ARHGAP26: variants seen among roughly 807,000 people sequenced by gnomAD.
ARHGAP26 encodes the protein Rho GTPase activating protein 26.
In ARHGAP26, 38 loss-of-function variants were observed where a neutral mutation model predicts 104.8. The observed-to-expected ratio is 0.36, with a 90% CI of 0.28 to 0.48. ARHGAP26 has a LOEUF of 0.48. ARHGAP26 is among the 20% of genes least tolerant of loss of function. ARHGAP26 has a pLI of 0.99. For synonymous variants in ARHGAP26, 341 were observed against 340.0 expected (o/e 1.00, Z -0.03); for missense variants, 704 against 947.9 (o/e 0.74, Z 3.38).
At chr5:142,916,955 G>A (rs921337115) in intron 10 of ARHGAP26, among the ~76,000 whole-genome samples, 2 of 151,972 alleles carry the variant, frequency 1.3e-5, no homozygotes, top group African/African-American at 2.4e-5. Flanking sequence ...TGGTGAGGCC[G>A]TTTACTCAGG....
intron 1 of ARHGAP26, among the ~76,000 whole-genome samples, chr5:142,851,117 A>G (rs1450210387): frequency 6.9e-6 from 1 of 145,478 alleles, no homozygotes; most frequent in Non-Finnish European, 1.5e-5. Context: ...TTTTTTCCTG[A>G]GACAGAGTCT....
At chr5:142,964,906 A>AG (rs1297577598) in intron 11 of ARHGAP26, among the ~76,000 whole-genome samples, 3 of 152,174 alleles carry the variant, frequency 2.0e-5, no homozygotes, top group Admixed American at 1.3e-4. Flanking sequence ...CAATGCGCGG[A>AG]GACCAGTGGT....
Position 143,187,809 on chromosome 5 carries a change from G to A in ARHGAP26, c.1989-19389G>A, listed in dbSNP as rs372572760. ...CAGCCCTACCTGGCATGTCATAAGTGCACTCTATCCATTGGGAGCTGTTAT... is the reference window on the plus strand; with the variant it reads ...CAGCCCTACCTGGCATGTCATAAGTACACTCTATCCATTGGGAGCTGTTAT... On this transcript the variant is annotated intron_variant, in intron 20 of 22. Transcript: ENST00000645722. Among the ~76,000 whole-genome samples, 20 of 152,214 alleles carry A rather than the reference G, an allele frequency of 1.3e-4. No homozygotes were observed. The South Asian group carries it at 3.9e-3, about 30-fold the overall frequency.
At chr5:142,905,119 A>C in intron 8 of ARHGAP26, among the ~76,000 whole-genome samples, 1 of 152,236 alleles carries the variant, frequency 6.6e-6, no homozygotes, top group African/African-American at 2.4e-5. Context: ...CTCTTTGCCC[A>C]GTGAGAAGAT....
At chr5:143,154,234 C>T (rs565967919) in intron 20 of ARHGAP26, among the ~76,000 whole-genome samples, 1 of 149,604 alleles carries the variant, frequency 6.7e-6, no homozygotes, top group South Asian at 2.1e-4. Context: ...CAGTGTTTAA[C>T]ACAGTATGTC....
intron 5 of ARHGAP26, among the ~76,000 whole-genome samples, chr5:142,893,907 T>G (rs905347534): frequency 6.6e-6 from 1 of 151,724 alleles, no homozygotes; most frequent in Non-Finnish European, 1.5e-5. Context: ...TCTATTCAGA[T>G]CTCCTGCCCA....
At chr5:142,902,431 G>A (rs769585013) in intron 7 of ARHGAP26, among the ~76,000 whole-genome samples, 4 of 152,222 alleles carry the variant, frequency 2.6e-5, no homozygotes, top group Non-Finnish European at 5.9e-5. Context: ...TGGGGGCTGG[G>A]GACACATGCT....
At chr5:142,950,830 GGAA>G (rs1189835536) in intron 11 of ARHGAP26, among the ~76,000 whole-genome samples, 2 of 152,206 alleles carry the variant, frequency 1.3e-5, no homozygotes, top group Admixed American at 1.3e-4. Flanking sequence ...TGGGTCCCAT[GGAA>G]GGCTAGCATC....
intron 11 of ARHGAP26, among the ~76,000 whole-genome samples, chr5:143,005,965 C>T (rs962897747): frequency 3.3e-5 from 5 of 152,102 alleles, no homozygotes; most frequent in African/African-American, 1.2e-4. Flanking sequence ...CTTTCTTAGC[C>T]CTTATTTCAG....
At chr5:143,128,414 G>T (rs991510270) in intron 18 of ARHGAP26, among the ~76,000 whole-genome samples, 2 of 152,142 alleles carry the variant, frequency 1.3e-5, no homozygotes, top group Non-Finnish European at 2.9e-5. Context: ...AATGTAATTG[G>T]TTCCTTTTGA....
At chr5:143,169,537 G>A (rs563773131) in intron 20 of ARHGAP26, 2 of 152,310 alleles carry the variant, frequency 1.3e-5, no homozygotes, top group Admixed American at 1.3e-4. Flanking sequence ...AAGAAAGAGA[G>A]AGCCTCTTTT....
In ARHGAP26 at chr5:142,793,274, T is replaced by TTTA. The variant is rs796096753; in HGVS notation, c.154+22359_154+22360insTTA. Among the ~76,000 whole-genome samples, 675 of 147,282 alleles carry TTTA rather than the reference T, an allele frequency of 4.6e-3. 8 individuals are homozygous for TTTA. The highest frequency in any genetic ancestry group is 0.016 in the African/African-American group (647 of 39,532). On this transcript the variant is annotated intron_variant, in intron 1 of 22. Transcript: ENST00000645722. ...TTGCTTTTTTTTTTTTTTTTTTTTT[T>TTTA]AATCTATCTTTCTTTAGAGGCTTGA...
intron 17 of ARHGAP26, among the ~76,000 whole-genome samples, chr5:143,083,248 C>G (rs770442869): frequency 2.2e-4 from 33 of 152,216 alleles, no homozygotes; most frequent in Non-Finnish European, 3.1e-4. Flanking sequence ...CAGATATGAT[C>G]CTAAAATTCC....
chr5:142,835,611 C>T (rs909378059), intron 1 of ARHGAP26, among the ~76,000 whole-genome samples: 6 of 152,114 alleles, frequency 3.9e-5, no homozygotes, highest in East Asian at 1.9e-4. Flanking sequence ...TTGGTGATTT[C>T]GTGATTTGGT....
intron 1 of ARHGAP26, among the ~76,000 whole-genome samples, chr5:142,773,970 C>G (rs1597556731): frequency 1.3e-5 from 2 of 152,160 alleles, no homozygotes; most frequent in South Asian, 4.1e-4. Flanking sequence ...TAAACGTGGG[C>G]ATTTTGCAAT....
chr5:143,014,183 C>T, intron 12 of ARHGAP26, 67 bp downstream of exon 12: 1 of 1,576,154 alleles, frequency 6.3e-7, no homozygotes, highest in South Asian at 1.1e-5. Context: ...AGTTGCTACT[C>T]CAGGTGTGAA....
At chr5:143,190,855 A>G (rs2151251094) in intron 20 of ARHGAP26, among the ~76,000 whole-genome samples, 1 of 152,356 alleles carries the variant, frequency 6.6e-6, no homozygotes, top group African/African-American at 2.4e-5. Context: ...GAATTCAGTA[A>G]TAAACATGAA....
At chr5:143,159,880 G>A (rs186889292) in intron 20 of ARHGAP26, among the ~76,000 whole-genome samples, 1 of 151,978 alleles carries the variant, frequency 6.6e-6, no homozygotes, top group East Asian at 1.9e-4. Flanking sequence ...GTGGCGGAAG[G>A]AACACTGCCT....
chr5:143,105,008 A>G (rs1180149098), intron 17 of ARHGAP26, among the ~76,000 whole-genome samples: 2 of 152,220 alleles, frequency 1.3e-5, no homozygotes, highest in African/African-American at 4.8e-5. Flanking sequence ...CAGAAAATAA[A>G]AGAGAAAACA....
Sources: gnomAD v4.1 joint callset for allele counts (sites outside exome capture counted in the v4.1 genomes callset) on GRCh38, gnomAD v4.1.1 for gene constraint, MANE v1.5 for transcripts, NCBI Gene and HGNC (gene_info 2026-07-23, HGNC 2026-07-21) for gene names.